The following INSL6 variants were observed in gnomAD, a reference collection of about 807,000 sequenced individuals.
INSL6 encodes insulin-like peptide INSL6.
Under a neutral mutation model 9.4 loss-of-function variants are expected in INSL6, and 16 were observed. The observed-to-expected ratio is 1.70, with a 90% CI of 1.15 to 2.59. INSL6 has a LOEUF of 2.59. Among genes scored for constraint, INSL6 ranks in the 30% most tolerant of loss-of-function variants. The probability of loss-of-function intolerance (pLI) is 0.00; values close to 1 mark genes in which losing one functional copy is unlikely to be tolerated. For missense variants in INSL6, 391 were observed against 257.3 expected (o/e 1.52, Z -3.56); for synonymous variants, 154 against 96.9 (o/e 1.59, Z -3.46).
At chr9:5,011,668 T>G in the INSL6 span, among the ~76,000 whole-genome samples, 3 of 152,220 alleles carry the variant, frequency 2.0e-5, no homozygotes, top group African/African-American at 4.8e-5. Flanking sequence ...TTTTCATGTT[T>G]AATAAGTTTC....
downstream of INSL6, among the ~76,000 whole-genome samples, chr9:5,123,291 T>C (rs1252881276): frequency 6.6e-6 from 1 of 151,992 alleles, no homozygotes; most frequent in Non-Finnish European, 1.5e-5. Context: ...TTAAATAATT[T>C]CTCAGCATCT....
chr9:5,157,098 T>C lies in INSL6; in HGVS notation c.376+7081A>G, dbSNP rs559019965. Among the ~76,000 whole-genome samples the C allele has an allele frequency of 1.7e-4, 26 of 152,224 alleles. No individual in the cohort carries two copies. The South Asian group carries it at 2.5e-3, about 15-fold the overall frequency. ...AACTGTACATTAAAACTACAAAATA[T>C]TGCTGAAATTAAAGAAGACCTGCAA... is the stretch of plus-strand genomic sequence containing the variant. On this transcript the variant is annotated intron_variant, in intron 2 of 3. Coordinates refer to the INSL6 transcript ENST00000649639.
chr9:5,148,633 C>T (rs1016317148), intron 2 of INSL6, among the ~76,000 whole-genome samples: 1 of 152,188 alleles, frequency 6.6e-6, no homozygotes, highest in Non-Finnish European at 1.5e-5. Context: ...GCCTGTGCAA[C>T]TCATCTGTTT....
At chr9:5,033,722 A>G in the INSL6 span, among the ~76,000 whole-genome samples, 8 of 152,196 alleles carry the variant, frequency 5.3e-5, no homozygotes, top group African/African-American at 1.9e-4. Flanking sequence ...GCCTGCCCTA[A>G]AAGAGCTCCT....
chr9:5,113,026 G>T, the INSL6 span, among the ~76,000 whole-genome samples: 2 of 151,966 alleles, frequency 1.3e-5, no homozygotes, highest in Non-Finnish European at 2.9e-5. Context: ...GTGAGTGATG[G>T]GGGTGAGGAA....
At chr9:5,171,118 C>T (rs1825172510) in intron 1 of INSL6, among the ~76,000 whole-genome samples, 1 of 152,174 alleles carries the variant, frequency 6.6e-6, no homozygotes, top group South Asian at 2.1e-4. Context: ...TACAGCAGCA[C>T]ATCAAAAAGC....
At chr9:4,993,361 C>A in the INSL6 span, among the ~76,000 whole-genome samples, 1 of 152,136 alleles carries the variant, frequency 6.6e-6, no homozygotes, top group African/African-American at 2.4e-5. Flanking sequence ...ACTTTGCTGG[C>A]TGAAAAGATT....
chr9:5,130,125 C>A (rs960384221), intron 3 of INSL6, among the ~76,000 whole-genome samples: 9 of 151,938 alleles, frequency 5.9e-5, no homozygotes, highest in African/African-American at 2.2e-4. Flanking sequence ...TATTATAAGG[C>A]CTTTATTTAC....
the INSL6 span, among the ~76,000 whole-genome samples, chr9:5,005,833 G>C: frequency 6.6e-6 from 1 of 152,158 alleles, no homozygotes; most frequent in Non-Finnish European, 1.5e-5. Flanking sequence ...TGAGGGCTCT[G>C]TTCTGTTCCA....
At chr9:5,063,299 G>C in the INSL6 span, among the ~76,000 whole-genome samples, 1 of 152,068 alleles carries the variant, frequency 6.6e-6, no homozygotes, top group South Asian at 2.1e-4. Flanking sequence ...TAAAGTAGTG[G>C]ACTTCTCAAT....
chr9:5,118,581 C>A, the INSL6 span, among the ~76,000 whole-genome samples: 6 of 152,098 alleles, frequency 3.9e-5, no homozygotes, highest in African/African-American at 1.4e-4. Flanking sequence ...GTTTGTATAT[C>A]CTCGGATGAA....
downstream of INSL6, chr9:5,123,266 C>T (rs942899237): frequency 1.9e-6 from 1 of 540,438 alleles, no homozygotes; most frequent in Non-Finnish European, 3.4e-6. Flanking sequence ...ACCTTAATAA[C>T]ATACATTGTA....
At chr9:5,055,254 G>A in the INSL6 span, among the ~76,000 whole-genome samples, 18 of 152,062 alleles carry the variant, frequency 1.2e-4, no homozygotes, top group Admixed American at 8.5e-4. Context: ...ATATATACCT[G>A]CTAAATAATG....
intron 1 of INSL6, among the ~76,000 whole-genome samples, chr9:5,166,419 T>G (rs1226735256): frequency 6.6e-6 from 1 of 152,024 alleles, no homozygotes; most frequent in African/African-American, 2.4e-5. Flanking sequence ...AGTTGCTTGT[T>G]TAAAAGAATA....
chr9:5,169,553 C>T (rs576894873), intron 1 of INSL6, among the ~76,000 whole-genome samples: 26 of 152,166 alleles, frequency 1.7e-4, no homozygotes, highest in African/African-American at 6.0e-4. Context: ...ATGGGCTAAT[C>T]CCCAATTAAA....
chr9:5,090,882 A>G, the INSL6 span: 1 of 1,606,960 alleles, frequency 6.2e-7, no homozygotes, highest in Non-Finnish European at 8.5e-7. Context: ...ACTATAAAGT[A>G]AAAGAACCTG....
intron 1 of INSL6, among the ~76,000 whole-genome samples, chr9:5,169,574 G>T (rs1041395826): frequency 6.6e-6 from 1 of 152,032 alleles, no homozygotes; most frequent in African/African-American, 2.4e-5. Flanking sequence ...AGACACAAAG[G>T]GCAAGCTGGA....
chr9:5,001,471 T>G, the INSL6 span, among the ~76,000 whole-genome samples: 1 of 152,172 alleles, frequency 6.6e-6, no homozygotes, highest in Admixed American at 6.5e-5. Context: ...ATTATTCTGT[T>G]AATGAGGTAA....
the INSL6 span, among the ~76,000 whole-genome samples, chr9:5,093,720 C>G: frequency 1.3e-5 from 2 of 152,242 alleles, no homozygotes; most frequent in South Asian, 2.1e-4. Flanking sequence ...ATCAACAGAA[C>G]AAGTTACCCT....
Sources: allele counts gnomAD v4.1 joint callset (sites outside exome capture counted in the v4.1 genomes callset), GRCh38; gene constraint gnomAD v4.1.1; transcripts MANE v1.5; gene names NCBI Gene and HGNC (gene_info 2026-07-23, HGNC 2026-07-21).